Variants in NKAIN3 observed in about 807,000 individuals in gnomAD.
NKAIN3 encodes sodium/potassium-transporting ATPase subunit beta-1-interacting protein 3.
Under a neutral mutation model 30.2 loss-of-function variants are expected in NKAIN3, and 25 were observed. The ratio of observed to expected loss-of-function variants is 0.83; its 90% confidence interval spans 0.60 to 1.16. The LOEUF is 1.16. Among genes scored for constraint, NKAIN3 ranks in the 50% most tolerant of loss-of-function variants. NKAIN3 has a pLI of 0.00. For synonymous variants in NKAIN3, 91 were observed against 89.6 expected (o/e 1.02, Z -0.09); for missense variants, 225 against 254.1 (o/e 0.89, Z 0.78).
In NKAIN3 at chr8:62,966,180, A is replaced by T; in HGVS notation, c.*773A>T. The stretch of plus-strand genomic sequence containing the variant: ...ACACTGCTGTCAGACCTAAACATAC[A>T]GCTCATGGGCTTGTGGGACAGAAAT... On this transcript the variant is annotated 3_prime_UTR_variant, in exon 7 of 7. Transcript: ENST00000623646. 1.0e-6 allele frequency: 1 copy of T among 985,260 alleles called. No individual in the cohort carries two copies. The highest frequency in any genetic ancestry group is 4.7e-5 in the South Asian group (1 of 21,270). The allele number at this position is 985,260 out of a possible 1,614,324, so 61.0% of individuals were successfully genotyped here. A position where few individuals can be genotyped will look rare whatever the true frequency, so the allele number is the denominator to read the frequency against.
intron 1 of NKAIN3, among the ~76,000 whole-genome samples, chr8:62,350,056 C>A (rs547699126): frequency 2.0e-5 from 3 of 152,196 alleles, no homozygotes; most frequent in Admixed American, 6.5e-5. Context: ...CTGTGAAAAG[C>A]TGTATGGCAG....
chr8:62,725,624 T>C (rs143197522), intron 3 of NKAIN3, among the ~76,000 whole-genome samples: 1 of 152,142 alleles, frequency 6.6e-6, no homozygotes, highest in East Asian at 1.9e-4. Flanking sequence ...TTCTCCAATA[T>C]ATGTTCTTTG....
At chr8:62,249,247 C>G (rs549331457) in intron 1 of NKAIN3, 120 bp downstream of exon 1, 29 of 830,836 alleles carry the variant, frequency 3.5e-5, no homozygotes, top group African/African-American at 3.2e-4. Context: ...GGGCGCTCCG[C>G]CCGCCTCCCA....
intron 3 of NKAIN3, among the ~76,000 whole-genome samples, chr8:62,674,100 G>A (rs1159172877): frequency 2.6e-5 from 4 of 152,170 alleles, no homozygotes; most frequent in Non-Finnish European, 4.4e-5. Context: ...CTAACTACTG[G>A]GGTAGAGAAT....
intron 4 of NKAIN3, among the ~76,000 whole-genome samples, chr8:62,872,877 A>G (rs1332988442): frequency 2.6e-5 from 4 of 152,164 alleles, no homozygotes; most frequent in African/African-American, 9.7e-5. Flanking sequence ...TAAATACGGA[A>G]AGGAAAAACT....
intron 1 of NKAIN3, among the ~76,000 whole-genome samples, chr8:62,320,147 A>T (rs1585675218): frequency 1.3e-5 from 2 of 152,174 alleles, no homozygotes; most frequent in African/African-American, 4.8e-5. Flanking sequence ...AGAGACTAGG[A>T]TTGCAACCCC....
chr8:62,657,515 A>G (rs1260847729), intron 3 of NKAIN3, among the ~76,000 whole-genome samples: 2 of 152,210 alleles, frequency 1.3e-5, no homozygotes, highest in Non-Finnish European at 2.9e-5. Flanking sequence ...CAATTGTATT[A>G]ATTTCCCCTA....
chr8:62,620,314 A>AGCCCTT (rs1272168436), intron 3 of NKAIN3, among the ~76,000 whole-genome samples: 2 of 152,084 alleles, frequency 1.3e-5, no homozygotes, highest in Non-Finnish European at 2.9e-5. Context: ...AGGGTCAGAA[A>AGCCCTT]GCCCTTCCTA....
intron 1 of NKAIN3, among the ~76,000 whole-genome samples, chr8:62,543,202 G>A (rs1434762244): frequency 6.6e-6 from 1 of 152,108 alleles, no homozygotes; most frequent in Non-Finnish European, 1.5e-5. Flanking sequence ...TGAGACTGAT[G>A]GTGTTGCTGC....
chr8:62,396,018 C>A (rs946844439), intron 1 of NKAIN3, among the ~76,000 whole-genome samples: 14 of 152,086 alleles, frequency 9.2e-5, no homozygotes, highest in African/African-American at 3.4e-4. Flanking sequence ...AGAAATGTGG[C>A]AATTTATTTT....
At chr8:62,497,135 A>G (rs1384970357) in intron 1 of NKAIN3, among the ~76,000 whole-genome samples, 6 of 152,132 alleles carry the variant, frequency 3.9e-5, no homozygotes, top group South Asian at 2.1e-4. Flanking sequence ...TTTTACAGCT[A>G]AAGATTTTCT....
intron 1 of NKAIN3, among the ~76,000 whole-genome samples, chr8:62,436,947 C>A (rs1307099382): frequency 3.3e-5 from 5 of 152,082 alleles, no homozygotes; most frequent in African/African-American, 1.2e-4. Context: ...AATAAAAAAT[C>A]ATTCATATTT....
chr8:62,990,455 C>A, intron 5 of NKAIN3: 1 of 781,156 alleles, frequency 1.3e-6, no homozygotes. Flanking sequence ...TAAAGATTGC[C>A]ATTGCTTTGT....
rs533601670 is a variant in NKAIN3, at chr8:62,437,382, G to A, written c.55-142157G>A. ...GGATAGTTAAATGAAGTAAAATTAAGTTTTTCCAAATAAATTTCTCAGGTT... is the reference window on the plus strand; with the variant it reads ...GGATAGTTAAATGAAGTAAAATTAAATTTTTCCAAATAAATTTCTCAGGTT... On this transcript the variant is annotated intron_variant, in intron 1 of 6. Transcript: ENST00000623646. Among the ~76,000 whole-genome samples, 690 of 152,274 alleles carry A rather than the reference G, an allele frequency of 4.5e-3. 7 individuals carry two copies. Among genetic ancestry groups the A allele is most frequent in the African/African-American group, 0.016 (653 of 41,562 alleles).
intron 1 of NKAIN3, among the ~76,000 whole-genome samples, chr8:62,377,928 G>A (rs950243641): frequency 2.1e-4 from 32 of 152,160 alleles, no homozygotes; most frequent in African/African-American, 7.2e-4. Context: ...ATCAGAAATG[G>A]GGTGTTGCTA....
chr8:62,474,070 T>G (rs986763517), intron 1 of NKAIN3: 5 of 152,178 alleles, frequency 3.3e-5, no homozygotes, highest in Non-Finnish European at 7.3e-5. Context: ...ATTTCCAACC[T>G]AATGTTGTTG....
intron 1 of NKAIN3, among the ~76,000 whole-genome samples, chr8:62,529,735 T>C (rs1808428648): frequency 6.6e-6 from 1 of 152,140 alleles, no homozygotes; most frequent in African/African-American, 2.4e-5. Flanking sequence ...TATTCTGTTA[T>C]AGAAGCCAAA....
chr8:62,873,990 A>C (rs1820721016), intron 4 of NKAIN3, among the ~76,000 whole-genome samples: 1 of 152,114 alleles, frequency 6.6e-6, no homozygotes, highest in Non-Finnish European at 1.5e-5. Flanking sequence ...AGATCAGAGA[A>C]GAATTGAAGG....
At chr8:62,757,114 A>G (rs1816478120) in intron 4 of NKAIN3, among the ~76,000 whole-genome samples, 2 of 152,170 alleles carry the variant, frequency 1.3e-5, no homozygotes, top group Admixed American at 6.5e-5. Flanking sequence ...TAATTAATCG[A>G]GCCAACATGG....
Sources: gnomAD v4.1 joint callset for allele counts (sites outside exome capture counted in the v4.1 genomes callset) on GRCh38, gnomAD v4.1.1 for gene constraint, MANE v1.5 for transcripts, NCBI Gene and HGNC (gene_info 2026-07-23, HGNC 2026-07-21) for gene names.